The following CNBD1 variants were observed in gnomAD, a reference collection of about 807,000 sequenced individuals.
CNBD1 encodes cyclic nucleotide binding domain containing 1.
Under a neutral mutation model 54.4 loss-of-function variants are expected in CNBD1, and 71 were observed. The ratio of observed to expected loss-of-function variants is 1.30; its 90% CI spans 1.08 to 1.59. The LOEUF (loss-of-function observed/expected upper bound fraction) is 1.59, where lower values mean the gene tolerates loss of function less well. Ranked by LOEUF, CNBD1 falls within the 40% of genes most tolerant of loss-of-function variation. The pLI, the probability that CNBD1 is intolerant of heterozygous loss-of-function variation, is 0.00. For missense variants in CNBD1, 659 were observed against 518.0 expected (o/e 1.27, Z -2.64); for synonymous variants, 182 against 170.7 (o/e 1.07, Z -0.51).
chr8:87,342,144 G>A (rs540052239), intron 8 of CNBD1, among the ~76,000 whole-genome samples: 1 of 152,180 alleles, frequency 6.6e-6, no homozygotes, highest in South Asian at 2.1e-4. Flanking sequence ...ATGGTGGCAG[G>A]CATCTGTAGT....
At chr8:87,230,805 G>T (rs1166767771) in intron 5 of CNBD1, among the ~76,000 whole-genome samples, 2 of 152,112 alleles carry the variant, frequency 1.3e-5, no homozygotes, top group African/African-American at 4.8e-5. Flanking sequence ...GCTTCTTAAG[G>T]AGTCATTTAT....
intron 8 of CNBD1, among the ~76,000 whole-genome samples, chr8:87,350,461 T>G (rs1348369304): frequency 6.6e-6 from 1 of 151,924 alleles, no homozygotes; most frequent in Non-Finnish European, 1.5e-5. Flanking sequence ...CCATTGTATG[T>G]TGATGTTTAT....
intron 4 of CNBD1, among the ~76,000 whole-genome samples, chr8:87,071,040 G>T (rs565295414): frequency 5.3e-5 from 8 of 151,716 alleles, no homozygotes; most frequent in Non-Finnish European, 5.9e-5. Context: ...GAGAAATTTC[G>T]ACTGATGATT....
chr8:87,065,378 T>A (rs1265767282), intron 4 of CNBD1, among the ~76,000 whole-genome samples: 1 of 152,022 alleles, frequency 6.6e-6, no homozygotes, highest in African/African-American at 2.4e-5. Context: ...GCAGTGATGT[T>A]ATCTTTCTCC....
chr8:87,369,645 T>C (rs561945951), intron 10 of CNBD1, among the ~76,000 whole-genome samples: 148 of 152,206 alleles, frequency 9.7e-4, no homozygotes, highest in Non-Finnish European at 1.5e-3. Flanking sequence ...TTCTGGCCTC[T>C]ATAGTTTCCA....
rs528064214 is a variant in CNBD1 at position 87,241,363 on chromosome 8, C to T, written c.771+4251C>T. On this transcript the variant is annotated intron_variant, in intron 6 of 10. Transcript: ENST00000518476. ...TCGGCTCACTGCAAGCTCTGCCTCCCGGGTTCACGTCATTCTCCTGCTTCA... is the reference window on the plus strand; with the variant it reads ...TCGGCTCACTGCAAGCTCTGCCTCCTGGGTTCACGTCATTCTCCTGCTTCA... 2.7e-4 allele frequency among the ~76,000 whole-genome samples: 40 copies of T among 149,782 alleles called. No individual in the cohort carries two copies. In the East Asian group the frequency reaches 6.3e-3, roughly 24 times the overall value.
intron 4 of CNBD1, among the ~76,000 whole-genome samples, chr8:86,978,924 G>A (rs1808405984): frequency 6.6e-6 from 1 of 152,068 alleles, no homozygotes; most frequent in African/African-American, 2.4e-5. Flanking sequence ...CTATGCCACA[G>A]TCTAGGCATA....
intron 2 of CNBD1, among the ~76,000 whole-genome samples, chr8:86,896,399 C>A (rs1479247041): frequency 1.3e-5 from 2 of 152,092 alleles, no homozygotes; most frequent in Admixed American, 6.6e-5. Flanking sequence ...TATGAACATT[C>A]TAACAATATT....
intron 6 of CNBD1, among the ~76,000 whole-genome samples, chr8:87,265,440 C>T (rs538604136): frequency 7.5e-4 from 114 of 152,188 alleles, no homozygotes; most frequent in Middle Eastern, 3.4e-3. Flanking sequence ...AGCGTGATGC[C>T]TCCAGCTTTG....
chr8:86,890,930 A>G (rs997261897), intron 2 of CNBD1, among the ~76,000 whole-genome samples: 89 of 149,496 alleles, frequency 6.0e-4, no homozygotes, highest in African/African-American at 2.1e-3. Flanking sequence ...AACTCTGTCC[A>G]TTTTTAATTG....
At chr8:87,244,384 T>G (rs552459876) in intron 6 of CNBD1, among the ~76,000 whole-genome samples, 71 of 152,284 alleles carry the variant, frequency 4.7e-4, no homozygotes, top group African/African-American at 1.7e-3. Flanking sequence ...TTCCTTTAGC[T>G]TAGTAATTCT....
intron 2 of CNBD1, among the ~76,000 whole-genome samples, chr8:87,406,625 G>T (rs1301977986): frequency 6.6e-6 from 1 of 151,966 alleles, no homozygotes; most frequent in South Asian, 2.1e-4. Flanking sequence ...GACTACAGGC[G>T]TGTGCCACCA....
Position 87,366,539 on chromosome 8 carries a change from C to A in CNBD1, c.1303+12753C>A, listed in dbSNP as rs534010868. On this transcript the variant is annotated intron_variant, in intron 10 of 10. Transcript: ENST00000518476. ...ATTCATGTGATTGGGCTAGGCCCAC[C>A]CAGATAACCTGCCTATTTTAAGGTT... is the stretch of plus-strand genomic sequence containing the variant. 3.9e-5 allele frequency among the ~76,000 whole-genome samples: 6 copies of A among 152,184 alleles called. No individual in the cohort carries two copies. In the South Asian group the frequency reaches 1.2e-3, roughly 32 times the overall value.
At chr8:87,213,521 G>A (rs901404618) in intron 5 of CNBD1, among the ~76,000 whole-genome samples, 38 of 152,094 alleles carry the variant, frequency 2.5e-4, no homozygotes, top group Middle Eastern at 3.2e-3. Context: ...GGAGAAACCC[G>A]TTATGAAACC....
Position 86,978,735 on chromosome 8 carries a change from G to T in CNBD1, c.431+38981G>T, listed in dbSNP as rs572887426. Among the ~76,000 whole-genome samples, 4 of 151,542 alleles carry T rather than the reference G, an allele frequency of 2.6e-5. No individual in the cohort carries two copies. In the South Asian group the frequency reaches 8.3e-4, roughly 32 times the overall value. On this transcript the variant is annotated intron_variant, in intron 4 of 10. Transcript: ENST00000518476. Reference sequence around the variant, plus strand: ...TTTTTGTATTTTTAGTAGAGATGGGGTTTCTCCATGTTGGTCTCGAACTCC... The same window carrying T: ...TTTTTGTATTTTTAGTAGAGATGGGTTTTCTCCATGTTGGTCTCGAACTCC...
At chr8:87,286,295 T>C (rs988704400) in intron 7 of CNBD1, among the ~76,000 whole-genome samples, 1 of 152,192 alleles carries the variant, frequency 6.6e-6, no homozygotes, top group African/African-American at 2.4e-5. Flanking sequence ...TTCTAAAACA[T>C]TTATAGAAGT....
intron 8 of CNBD1, among the ~76,000 whole-genome samples, chr8:87,303,253 T>G (rs1225701767): frequency 1.3e-5 from 2 of 151,360 alleles, no homozygotes; most frequent in African/African-American, 4.8e-5. Flanking sequence ...AAGGCTACAG[T>G]AACCAAAACA....
chr8:87,024,061 C>G (rs1160267885), intron 4 of CNBD1, among the ~76,000 whole-genome samples: 1 of 151,374 alleles, frequency 6.6e-6, no homozygotes. Context: ...CACGGTGAAA[C>G]CCCGTCTCTA....
At chr8:87,051,718 G>T (rs1810315098) in intron 4 of CNBD1, among the ~76,000 whole-genome samples, 1 of 152,180 alleles carries the variant, frequency 6.6e-6, no homozygotes, top group African/African-American at 2.4e-5. Context: ...CCTTTAAGTG[G>T]TTTTCCACCC....
Sources: gnomAD v4.1 joint callset for allele counts (sites outside exome capture counted in the v4.1 genomes callset) on GRCh38, gnomAD v4.1.1 for gene constraint, MANE v1.5 for transcripts, NCBI Gene and HGNC (gene_info 2026-07-23, HGNC 2026-07-21) for gene names.